Variants in RNGTT observed in about 807,000 individuals in gnomAD.
RNGTT encodes the protein mRNA-capping enzyme.
RNGTT carries 33 observed loss-of-function variants against 79.3 expected under a neutral mutation model. That is an observed-to-expected ratio of 0.42 (90% CI 0.32 to 0.56). RNGTT has a LOEUF of 0.56. Ranked by LOEUF, RNGTT falls within the 20% of genes least tolerant of loss-of-function variation. The pLI is 0.17. For missense variants in RNGTT, 497 were observed against 739.1 expected, an observed-to-expected ratio of 0.67 and a Z score of 3.80; for synonymous variants, 222 against 235.9, an observed-to-expected ratio of 0.94 and a Z score of 0.54.
intron 1 of RNGTT, among the ~76,000 whole-genome samples, chr6:88,946,880 G>C (rs1368991574): frequency 7.3e-5 from 10 of 136,070 alleles, no homozygotes; most frequent in Admixed American, 2.9e-4. Flanking sequence ...CCCTAACCGC[G>C]AGTGATCCGC....
At chr6:88,872,550 G>T (rs974637060) in intron 8 of RNGTT, among the ~76,000 whole-genome samples, 11 of 152,050 alleles carry the variant, frequency 7.2e-5, no homozygotes, top group African/African-American at 2.4e-4. Flanking sequence ...TTGTAACAAG[G>T]GATAAATGCT....
chr6:88,632,426 C>A (rs1415772336), intron 14 of RNGTT, among the ~76,000 whole-genome samples: 1 of 152,086 alleles, frequency 6.6e-6, no homozygotes, highest in Non-Finnish European at 1.5e-5. Flanking sequence ...CCTTCATAAA[C>A]AAAAGGTATA....
intron 14 of RNGTT, among the ~76,000 whole-genome samples, chr6:88,649,432 C>G (rs1365363457): frequency 6.6e-6 from 1 of 152,226 alleles, no homozygotes; most frequent in African/African-American, 2.4e-5. Context: ...GGCGCGGTGG[C>G]TCACGCCTGT....
intron 14 of RNGTT, among the ~76,000 whole-genome samples, chr6:88,635,876 G>T (rs1295207027): frequency 6.6e-6 from 1 of 151,942 alleles, no homozygotes; most frequent in Non-Finnish European, 1.5e-5. Flanking sequence ...TTGTAAAAAT[G>T]AGCAGATATA....
At chr6:88,937,691 T>C (rs75912783) in intron 2 of RNGTT, among the ~76,000 whole-genome samples, 2,909 of 152,312 alleles carry the variant, frequency 0.019, 82 homozygotes, top group African/African-American at 0.066. Context: ...TGCTATAAAC[T>C]TCCTTCTTAG....
intron 13 of RNGTT, among the ~76,000 whole-genome samples, chr6:88,704,014 C>T (rs1470330215): frequency 2.0e-5 from 3 of 151,964 alleles, no homozygotes; most frequent in African/African-American, 7.2e-5. Flanking sequence ...AATCCCAGCA[C>T]TTTGGGAGGC....
intron 4 of RNGTT, among the ~76,000 whole-genome samples, chr6:88,909,243 G>C (rs1783756082): frequency 6.6e-6 from 1 of 152,182 alleles, no homozygotes; most frequent in South Asian, 2.1e-4. Context: ...TGGCCAGTCT[G>C]GTTGCGCCTG....
At chr6:88,642,755 G>C (rs1215111487) in intron 14 of RNGTT, among the ~76,000 whole-genome samples, 4 of 152,060 alleles carry the variant, frequency 2.6e-5, no homozygotes, top group African/African-American at 9.7e-5. Context: ...TATTTACTTA[G>C]TAAGACTGCT....
chr6:88,825,378 T>G (rs1329795897), intron 11 of RNGTT, among the ~76,000 whole-genome samples: 1 of 152,156 alleles, frequency 6.6e-6, no homozygotes, highest in African/African-American at 2.4e-5. Flanking sequence ...TCAAGAATAT[T>G]TGGTGGCATA....
intron 14 of RNGTT, among the ~76,000 whole-genome samples, chr6:88,620,008 G>C (rs917007448): frequency 2.0e-5 from 3 of 152,160 alleles, no homozygotes; most frequent in Non-Finnish European, 2.9e-5. Flanking sequence ...AAGTGTGTCC[G>C]CCTACTAAAA....
intron 11 of RNGTT, among the ~76,000 whole-genome samples, chr6:88,824,132 A>G (rs1462052636): frequency 6.6e-6 from 1 of 152,206 alleles, no homozygotes; most frequent in Non-Finnish European, 1.5e-5. Flanking sequence ...GTTATGCATC[A>G]TTTAACAACA....
intron 14 of RNGTT, among the ~76,000 whole-genome samples, chr6:88,645,691 A>G (rs1773521584): frequency 6.6e-6 from 1 of 152,216 alleles, no homozygotes; most frequent in Admixed American, 6.5e-5. Flanking sequence ...GCCCTCAGAA[A>G]TAATACCACA....
chr6:88,635,566 C>G (rs1425088032), intron 14 of RNGTT, among the ~76,000 whole-genome samples: 1 of 152,082 alleles, frequency 6.6e-6, no homozygotes, highest in Non-Finnish European at 1.5e-5. Flanking sequence ...CTATATCACA[C>G]TGCCCAACAC....
chr6:88,751,860 T>C (rs1415641318), intron 13 of RNGTT, among the ~76,000 whole-genome samples: 4 of 152,078 alleles, frequency 2.6e-5, no homozygotes, highest in Non-Finnish European at 4.4e-5. Context: ...AAAATCAAAA[T>C]CAACCACTAG....
intron 14 of RNGTT, among the ~76,000 whole-genome samples, 172 bp from the exon 15 acceptor site, chr6:88,614,567 T>C (rs1772151304): frequency 6.6e-6 from 1 of 152,226 alleles, no homozygotes; most frequent in African/African-American, 2.4e-5. Context: ...GTGCACTCCC[T>C]TGTACACATG....
chr6:88,846,886 C>G (rs1781502002), intron 10 of RNGTT, among the ~76,000 whole-genome samples: 1 of 152,058 alleles, frequency 6.6e-6, no homozygotes, highest in African/African-American at 2.4e-5. Context: ...TCAACTATAC[C>G]CAGGGAAGTT....
At chr6:88,662,038 C>A (rs747112701) in intron 14 of RNGTT, among the ~76,000 whole-genome samples, 3 of 152,106 alleles carry the variant, frequency 2.0e-5, no homozygotes, top group Non-Finnish European at 4.4e-5. Flanking sequence ...ATGTGATACA[C>A]CACATAAACA....
At chr6:88,784,714 T>A (rs147188094) in intron 12 of RNGTT, among the ~76,000 whole-genome samples, 220 of 152,270 alleles carry the variant, frequency 1.4e-3, no homozygotes, top group African/African-American at 5.0e-3. Flanking sequence ...AATGTGGAAT[T>A]GCTATAAGCA....
intron 13 of RNGTT, among the ~76,000 whole-genome samples, chr6:88,747,109 TAAAG>T (rs1325603047): frequency 6.6e-6 from 1 of 152,128 alleles, no homozygotes; most frequent in Admixed American, 6.5e-5. Flanking sequence ...TAGAAAGAGA[TAAAG>T]AAAAGCTCTA....
Sources: allele counts gnomAD v4.1 joint callset (sites outside exome capture counted in the v4.1 genomes callset), GRCh38; gene constraint gnomAD v4.1.1; transcripts MANE v1.5; gene names NCBI Gene and HGNC (gene_info 2026-07-23, HGNC 2026-07-21).